ANO4: variants seen among roughly 807,000 people sequenced by gnomAD.
ANO4 encodes anoctamin-4.
A neutral mutation model predicts 141.9 loss-of-function variants in ANO4; 69 were observed. That is an observed-to-expected ratio of 0.49 (90% CI 0.40 to 0.59). ANO4 has a LOEUF of 0.59. ANO4 is among the 20% of genes least tolerant of loss of function. ANO4 has a pLI of 0.00. For missense variants in ANO4, 894 were observed against 1,162.2 expected (o/e 0.77, Z 3.36); for synonymous variants, 350 against 394.3 (o/e 0.89, Z 1.33).
chr12:100,718,427 TA>T (rs2030711500), intron 1 of ANO4, among the ~76,000 whole-genome samples: 1 of 152,158 alleles, frequency 6.6e-6, no homozygotes, highest in Admixed American at 6.5e-5. Flanking sequence ...TTTGGCATTT[TA>T]AAGGGGAAAG....
chr12:101,076,470 C>T (rs1325613576), intron 14 of ANO4, among the ~76,000 whole-genome samples: 1 of 152,194 alleles, frequency 6.6e-6, no homozygotes, highest in East Asian at 1.9e-4. Flanking sequence ...CCTGAACAGA[C>T]TAACACAGGG....
chr12:101,009,141 G>T (rs559564140), intron 8 of ANO4, among the ~76,000 whole-genome samples: 169 of 152,190 alleles, frequency 1.1e-3, no homozygotes, highest in African/African-American at 4.0e-3. Context: ...TGGTGATAGG[G>T]TCTTTAAACA....
intron 3 of ANO4, among the ~76,000 whole-genome samples, chr12:100,762,399 A>G (rs77946821): frequency 0.03 from 4,621 of 152,232 alleles, 230 homozygotes; most frequent in African/African-American, 0.1. Flanking sequence ...TAGAGCAACC[A>G]CTGATATGTG....
In ANO4 at chr12:100,803,512, G is replaced by A. The variant is rs371805427; in HGVS notation, c.-141+8485G>A. ...AATATTCCCATCCTATATTTTGTGG[G>A]ATCTTTAATTCAGCATCAATGTTCC... On this transcript the variant is annotated intron_variant, in intron 1 of 27. Transcript: ENST00000392977. Among the ~76,000 whole-genome samples, 3 of 152,276 alleles carry A rather than the reference G, an allele frequency of 2.0e-5. No homozygotes were observed. In the South Asian group the frequency reaches 6.2e-4, roughly 32 times the overall value.
At chr12:100,926,034 T>G (rs1376951674) in intron 3 of ANO4, among the ~76,000 whole-genome samples, 1 of 152,014 alleles carries the variant, frequency 6.6e-6, no homozygotes, top group African/African-American at 2.4e-5. Context: ...TTCTCCATTT[T>G]AAAGGTGAAA....
intron 1 of ANO4, among the ~76,000 whole-genome samples, chr12:100,891,325 TG>T (rs1378607831): frequency 2.0e-5 from 3 of 152,228 alleles, no homozygotes; most frequent in African/African-American, 7.2e-5. Context: ...TCATCTCACT[TG>T]GGTAAATACC....
At chr12:101,018,693 C>T (rs1025062247) in intron 8 of ANO4, among the ~76,000 whole-genome samples, 1 of 152,166 alleles carries the variant, frequency 6.6e-6, no homozygotes, top group Non-Finnish European at 1.5e-5. Context: ...TGTGTACCAG[C>T]CACTCACCGG....
At chr12:101,083,621 T>G (rs1322655788) in intron 15 of ANO4, 57 bp from the exon 16 acceptor site, 1 of 1,547,550 alleles carries the variant, frequency 6.5e-7, no homozygotes, top group African/African-American at 1.4e-5. Flanking sequence ...TGATATTTCT[T>G]TTTTTATTGT....
intron 2 of ANO4, among the ~76,000 whole-genome samples, chr12:100,913,781 A>G (rs1361511897): frequency 6.6e-6 from 1 of 152,114 alleles, no homozygotes; most frequent in South Asian, 2.1e-4. Flanking sequence ...GTGAGCTTTT[A>G]TTTTGCTTGA....
At chr12:101,104,668 TATAAATAA>T (rs1210260958) in intron 22 of ANO4, among the ~76,000 whole-genome samples, 111 of 58,884 alleles carry the variant, frequency 1.9e-3, no homozygotes, top group African/African-American at 0.013. Context: ...TATATATATA[TATAAATAA>T]AAAGATTTAC....
At chr12:100,896,035 A>G (rs12303057) in intron 1 of ANO4, among the ~76,000 whole-genome samples, 9,066 of 152,102 alleles carry the variant, frequency 0.06, 948 homozygotes, top group African/African-American at 0.21. Context: ...AGATGGAGAT[A>G]AGGAGTGCAT....
At chr12:100,742,039 A>G (rs527969720) in intron 3 of ANO4, among the ~76,000 whole-genome samples, 11 of 152,118 alleles carry the variant, frequency 7.2e-5, no homozygotes, top group Admixed American at 1.3e-4. Context: ...GGTTTTCACA[A>G]ACAAAAGCCT....
chr12:101,104,676 A>T (rs866135507), intron 22 of ANO4, among the ~76,000 whole-genome samples: 88 of 117,768 alleles, frequency 7.5e-4, no homozygotes, highest in African/African-American at 1.7e-3. Context: ...TATATAAATA[A>T]AAAGATTTAC....
At chr12:100,826,846 T>C (rs2036372879) in intron 1 of ANO4, among the ~76,000 whole-genome samples, 1 of 152,024 alleles carries the variant, frequency 6.6e-6, no homozygotes, top group Non-Finnish European at 1.5e-5. Flanking sequence ...CTTCTTATAA[T>C]CCTTGACTCC....
intron 3 of ANO4, among the ~76,000 whole-genome samples, chr12:100,767,255 A>G (rs1420139222): frequency 6.6e-6 from 1 of 151,932 alleles, no homozygotes; most frequent in African/African-American, 2.4e-5. Flanking sequence ...TTGTTTTCTG[A>G]CTGTTTTGTA....
Position 101,126,982 on chromosome 12 carries a change from T to C in ANO4, c.2780T>C (p.Met927Thr). The change falls in exon 27 of 28, where the codon ATG becomes ACG. Residue 927 changes from methionine (M) to threonine (T), a missense_variant. Physicochemically the swap from Met to Thr is moderately conservative, Grantham distance 81. Around this residue, in one of 2 missense-constraint regions of ANO4, gnomAD observed 637 missense variants for 909.2 expected, o/e 0.70. Coordinates refer to ENST00000392977, the MANE Select transcript of ANO4 (RefSeq NM_001286615.2). ...MRREKYLIQE[M>T]MYEAELERLQ... ...AGAGAGAAGTACTTGATTCAGGAGA[T>C]GATGTATGAAGCAGAACTGGAACGT... 6.2e-7 allele frequency: 1 copy of C among 1,614,008 alleles called. No individual in the cohort carries two copies. The highest frequency in any genetic ancestry group is 1.6e-4 in the Middle Eastern group (1 of 6,062).
At chr12:101,019,119 A>G (rs2046422165) in intron 8 of ANO4, among the ~76,000 whole-genome samples, 1 of 152,120 alleles carries the variant, frequency 6.6e-6, no homozygotes, top group African/African-American at 2.4e-5. Context: ...TGTTGGGGAA[A>G]ATGCCTACAT....
chr12:101,032,771 T>C (rs375834268), intron 9 of ANO4, among the ~76,000 whole-genome samples: 11 of 150,782 alleles, frequency 7.3e-5, no homozygotes, highest in African/African-American at 1.2e-4. Context: ...CAATGAGATA[T>C]CATCTCACAC....
intron 11 of ANO4, among the ~76,000 whole-genome samples, chr12:101,041,988 G>A (rs2047428302): frequency 6.6e-6 from 1 of 152,096 alleles, no homozygotes; most frequent in Non-Finnish European, 1.5e-5. Flanking sequence ...CCCCACCTCA[G>A]CATCTCCACT....
Sources: gnomAD v4.1 joint callset for allele counts (sites outside exome capture counted in the v4.1 genomes callset) on GRCh38, gnomAD v4.1.1 for gene constraint, gnomAD v4.1.1 regional missense constraint, MANE v1.5 for transcripts, NCBI Gene and HGNC (gene_info 2026-07-23, HGNC 2026-07-21) for gene names.